The following LDLRAD4 variants were observed in gnomAD, a reference collection of about 807,000 sequenced individuals.
LDLRAD4 encodes the protein low density lipoprotein receptor class A domain containing 4, also known as low-density lipoprotein receptor class A domain-containing protein 4.
LDLRAD4 carries 5 observed loss-of-function variants against 17.0 expected under a neutral mutation model. The observed-to-expected ratio is 0.29, with a 90% CI of 0.15 to 0.62. LDLRAD4 has a LOEUF of 0.62. Ranked by LOEUF, LDLRAD4 falls within the 20% of genes least tolerant of loss-of-function variation. The pLI is 0.84. For missense variants in LDLRAD4, 340 were observed against 424.7 expected (o/e 0.80, Z 1.75); for synonymous variants, 168 against 171.8 (o/e 0.98, Z 0.17).
chr18:13,229,059 AATGGCTTCTGTTCTGCCATCTGC>A (rs1290809189), intron 1 of LDLRAD4, among the ~76,000 whole-genome samples: 1 of 152,210 alleles, frequency 6.6e-6, no homozygotes, highest in Non-Finnish European at 1.5e-5. Context: ...TGTCTGAGGG[AATGGCTTCTGTTCTGCCATCTGC>A]ATGGAGGAAG....
At position 13,594,665 on chromosome 18, in the gene LDLRAD4, CAAAAAAAAAAAA is replaced by C. The variant is rs56035558; in HGVS notation, c.182-26439_182-26428del. Among the ~76,000 whole-genome samples, 6 of 29,606 alleles carry C rather than the reference CAAAAAAAAAAAA, an allele frequency of 2.0e-4. No individual in the cohort carries two copies. In the South Asian group the frequency reaches 6.1e-3, roughly 30 times the overall value. The allele number at this position is 29,606 out of a possible 152,430, so 19.4% of individuals were successfully genotyped here. Reference sequence around the variant, plus strand: ...TGGGTGACAGAGCAAGATTCCATCTCAAAAAAAAAAAAAAAAAAAAAAAAGAAACAGGAAGAA... The same window carrying C: ...TGGGTGACAGAGCAAGATTCCATCTCAAAAAAAAAAAAGAAACAGGAAGAA... On this transcript the variant is annotated intron_variant, in intron 3 of 5. Coordinates refer to ENST00000359446, the Ensembl canonical transcript of LDLRAD4.
At position 13,398,910 on chromosome 18, in the gene LDLRAD4, C is replaced by G. The variant is rs142249075; in HGVS notation, c.40+11148C>G. On this transcript the variant is annotated intron_variant, in intron 2 of 5. Transcript: ENST00000359446. This position sits in a 1 kb window ranked among gnomAD's most constrained non-coding sequence, Gnocchi z 4.8. ...TCCACTCTCATGGAGTATGCTCGTGCGCAGAGATGCAGCCACCCAGATCTT... is the reference window on the plus strand; with the variant it reads ...TCCACTCTCATGGAGTATGCTCGTGGGCAGAGATGCAGCCACCCAGATCTT... 2.1e-3 allele frequency among the ~76,000 whole-genome samples: 319 copies of G among 152,172 alleles called. 1 individual carries two copies. Among genetic ancestry groups the G allele is most frequent in the African/African-American group, 6.9e-3 (288 of 41,502 alleles).
intron 3 of LDLRAD4, among the ~76,000 whole-genome samples, chr18:13,450,433 G>A (rs1460102773): frequency 6.6e-6 from 1 of 151,986 alleles, no homozygotes; most frequent in Non-Finnish European, 1.5e-5. Context: ...GGGGCTGGAG[G>A]GTGTTATAGA....
At position 13,641,123 on chromosome 18, in the gene LDLRAD4, C is replaced by T. The variant is rs531675758; in HGVS notation, c.337-2236C>T. ...TGATGAGATGTCAACAGCAACAATT[C>T]TTAGTTGTGGGTGCTGTGAATTTCC... On this transcript the variant is annotated intron_variant, in intron 4 of 5. Transcript: ENST00000359446. Among the ~76,000 whole-genome samples the T allele has an allele frequency of 4.6e-5, 7 of 152,288 alleles. 1 individual carries two copies. The South Asian group carries it at 1.5e-3, about 32-fold the overall frequency.
In LDLRAD4 at chr18:13,312,724, A is replaced by C. The variant is rs538504751; in HGVS notation, c.-383+34536A>C. Among the ~76,000 whole-genome samples, 5 of 152,340 alleles carry C rather than the reference A, an allele frequency of 3.3e-5. No individual in the cohort carries two copies. The South Asian group carries it at 1.0e-3, about 32-fold the overall frequency. ...ACCACCGCACTCCAGCCTGGGCAAC[A>C]GAGTGAGATCCTGTCTATAAAAAAA... On this transcript the variant is annotated intron_variant, in intron 1 of 5. Coordinates refer to ENST00000359446, the Ensembl canonical transcript of LDLRAD4.
chr18:13,231,351 G>A (rs926541194), intron 1 of LDLRAD4, among the ~76,000 whole-genome samples: 3 of 152,274 alleles, frequency 2.0e-5, no homozygotes, highest in Middle Eastern at 3.4e-3. Flanking sequence ...ACCTGGGCAC[G>A]GGGCGCTGCT....
At chr18:13,262,857 T>A (rs1223181037) in intron 1 of LDLRAD4, among the ~76,000 whole-genome samples, 2 of 113,270 alleles carry the variant, frequency 1.8e-5, no homozygotes, top group African/African-American at 3.7e-5. Context: ...GCTCCGTGCG[T>A]TGGGGCTGAG....
chr18:13,589,192 C>A (rs1173878601), intron 3 of LDLRAD4, among the ~76,000 whole-genome samples: 3 of 152,182 alleles, frequency 2.0e-5, no homozygotes, highest in African/African-American at 7.2e-5. Flanking sequence ...TCTCAGCCTC[C>A]TGAAGTGCTG....
intron 1 of LDLRAD4, among the ~76,000 whole-genome samples, chr18:13,237,980 A>G (rs931704618): frequency 5.9e-5 from 9 of 152,108 alleles, no homozygotes; most frequent in South Asian, 4.1e-4. Context: ...CTTAAGGTCA[A>G]TGTGTCTGCC....
intron 1 of LDLRAD4, among the ~76,000 whole-genome samples, chr18:13,325,803 A>T (rs1045586749): frequency 6.7e-6 from 1 of 150,284 alleles, no homozygotes; most frequent in African/African-American, 2.5e-5. Context: ...CCCAGGCTGG[A>T]GTGCAGTGGC....
At chr18:13,644,860 C>G in intron 5 of LDLRAD4, 1 of 451,924 alleles carries the variant, frequency 2.2e-6, no homozygotes. Context: ...TCCCAGGAGC[C>G]CAAGCTTTCC....
intron 3 of LDLRAD4, among the ~76,000 whole-genome samples, chr18:13,480,061 G>A (rs912411159): frequency 6.6e-6 from 1 of 152,126 alleles, no homozygotes; most frequent in Admixed American, 6.5e-5. Flanking sequence ...GTGCTCCTCG[G>A]TATTTACACA....
intron 1 of LDLRAD4, among the ~76,000 whole-genome samples, chr18:13,358,816 C>T (rs2083492503): frequency 6.6e-6 from 1 of 152,142 alleles, no homozygotes; most frequent in African/African-American, 2.4e-5. Flanking sequence ...TATTAAAAAT[C>T]ATAATTCAGA....
intron 1 of LDLRAD4, among the ~76,000 whole-genome samples, chr18:13,285,773 A>G (rs2146328056): frequency 6.6e-6 from 1 of 152,174 alleles, no homozygotes; most frequent in East Asian, 1.9e-4. Context: ...TTGTTAGAGA[A>G]TGGTGGGGGA....
intron 3 of LDLRAD4, among the ~76,000 whole-genome samples, chr18:13,593,847 T>C (rs2095059165): frequency 6.6e-6 from 1 of 152,152 alleles, no homozygotes; most frequent in South Asian, 2.1e-4. Context: ...GAAGTAGCTA[T>C]GTACAAGTGT....
chr18:13,502,408 C>G (rs780270195), intron 3 of LDLRAD4, among the ~76,000 whole-genome samples: 1 of 152,258 alleles, frequency 6.6e-6, no homozygotes. Context: ...TTTCACACAC[C>G]CATAGCTGAA....
At chr18:13,307,328 A>G (rs1320736017) in intron 1 of LDLRAD4, among the ~76,000 whole-genome samples, 1 of 152,196 alleles carries the variant, frequency 6.6e-6, no homozygotes, top group Non-Finnish European at 1.5e-5. Context: ...CAATGTGAAG[A>G]TAACGAGAAT....
At chr18:13,546,762 CAGCTT>C (rs1194836848) in intron 3 of LDLRAD4, among the ~76,000 whole-genome samples, 4 of 152,198 alleles carry the variant, frequency 2.6e-5, no homozygotes, top group East Asian at 3.8e-4. Context: ...CCCACTTTCT[CAGCTT>C]AGAGAAAGCG....
chr18:13,479,737 A>G (rs562681880), intron 3 of LDLRAD4, among the ~76,000 whole-genome samples: 19 of 152,368 alleles, frequency 1.2e-4, no homozygotes, highest in Non-Finnish European at 2.2e-4. Context: ...ACAGTAAGAA[A>G]AAAGAAAAAA....
Sources: gnomAD v4.1 joint callset for allele counts (sites outside exome capture counted in the v4.1 genomes callset) on GRCh38, gnomAD v4.1.1 for gene constraint, Gnocchi (gnomAD v3.1) non-coding constraint, MANE v1.5 for transcripts, NCBI Gene and HGNC (gene_info 2026-07-23, HGNC 2026-07-21) for gene names.